ANKRD28: variants seen among roughly 807,000 people sequenced by gnomAD.
The protein encoded by ANKRD28 is serine/threonine-protein phosphatase 6 regulatory ankyrin repeat subunit A.
A neutral mutation model predicts 126.5 loss-of-function variants in ANKRD28; 44 were observed. That is an observed-to-expected ratio of 0.35 (90% CI 0.27 to 0.45). The LOEUF is 0.45. Ranked by LOEUF, ANKRD28 falls within the 20% of genes least tolerant of loss-of-function variation. The probability of loss-of-function intolerance (pLI) is 1.00; values close to 1 mark genes in which losing one functional copy is unlikely to be tolerated. For synonymous variants in ANKRD28, 442 were observed against 468.5 expected (o/e 0.94, Z 0.73); for missense variants, 1,110 against 1,316.6 (o/e 0.84, Z 2.43).
At chr3:15,684,096 T>C (rs531285481) in intron 21 of ANKRD28, 1 of 152,288 alleles carries the variant, frequency 6.6e-6, no homozygotes, top group African/African-American at 2.4e-5. Context: ...AACCTCTAAT[T>C]TCTCTACTAA....
intron 3 of ANKRD28, among the ~76,000 whole-genome samples, chr3:15,761,101 T>A (rs1452125657): frequency 6.6e-6 from 1 of 152,214 alleles, no homozygotes; most frequent in Non-Finnish European, 1.5e-5. Context: ...TTGCTATGGA[T>A]ATCGCAGTAG....
At chr3:15,682,092 G>T (rs943797173) in intron 21 of ANKRD28, among the ~76,000 whole-genome samples, 5 of 151,966 alleles carry the variant, frequency 3.3e-5, no homozygotes, top group Non-Finnish European at 5.9e-5. Context: ...AAAAAAATAT[G>T]AATAAAAACA....
intron 2 of ANKRD28, among the ~76,000 whole-genome samples, chr3:15,780,495 C>G (rs1246790605): frequency 6.6e-6 from 1 of 151,902 alleles, no homozygotes; most frequent in Non-Finnish European, 1.5e-5. Context: ...CCATATTATC[C>G]AAAGCAATCC....
chr3:15,736,884 G>T, intron 5 of ANKRD28, 149 bp downstream of exon 5: 1 of 772,546 alleles, frequency 1.3e-6, no homozygotes, highest in East Asian at 2.6e-5. Context: ...TTCTAAATTT[G>T]AGAAAGTTAT....
chr3:15,805,222 C>T (rs573420049), intron 1 of ANKRD28, among the ~76,000 whole-genome samples: 9 of 115,634 alleles, frequency 7.8e-5, no homozygotes, highest in African/African-American at 3.2e-4. Flanking sequence ...TTCTAGAATA[C>T]ACCTAATATG....
rs1015213296 is a variant in ANKRD28 at position 15,838,694 on chromosome 3, G to A, written c.27+20683C>T. On this transcript the variant is annotated intron_variant, in intron 1 of 27. Coordinates refer to the ANKRD28 transcript ENST00000399451. The surrounding 1 kb of genome is among the most constrained non-coding windows in gnomAD (Gnocchi z 4.0). Reference sequence around the variant, plus strand: ...ACCCAGGAGGTAGAGGTTGCAGTGAGCCGGGACCACGCCACTGCACTCCAG... The same window carrying A: ...ACCCAGGAGGTAGAGGTTGCAGTGAACCGGGACCACGCCACTGCACTCCAG... 6.6e-6 allele frequency among the ~76,000 whole-genome samples: 1 copy of A among 151,574 alleles called. No individual in the cohort carries two copies. Among genetic ancestry groups the A allele is most frequent in the African/African-American group, 2.4e-5 (1 of 41,240 alleles).
chr3:15,830,230 T>C lies in ANKRD28; in HGVS notation c.27+29147A>G, dbSNP rs1159340389. On this transcript the variant is annotated intron_variant, in intron 1 of 27. Coordinates refer to the ANKRD28 transcript ENST00000399451. The surrounding 1 kb of genome is among the most constrained non-coding windows in gnomAD (Gnocchi z 4.5). ...CGAAGTAAAAAACGCATATAACATT[T>C]TATTATTATGATAACAGTTTTGACT... 6.6e-6 allele frequency among the ~76,000 whole-genome samples: 1 copy of C among 152,192 alleles called. No homozygotes were observed. Among genetic ancestry groups the C allele is most frequent in the Non-Finnish European group, 1.5e-5 (1 of 68,036 alleles).
At chr3:15,695,582 C>T (rs2069418305) in intron 15 of ANKRD28, among the ~76,000 whole-genome samples, 1 of 152,110 alleles carries the variant, frequency 6.6e-6, no homozygotes, top group Admixed American at 6.6e-5. Flanking sequence ...ATAAGAGCAT[C>T]TTTAACCTAA....
At position 15,815,867 on chromosome 3, in the gene ANKRD28, TA is replaced by T. The variant is rs1232701017; in HGVS notation, c.28-20562del. Among the ~76,000 whole-genome samples the T allele has an allele frequency of 1.3e-5, 2 of 152,138 alleles. No individual in the cohort carries two copies. The highest frequency in any genetic ancestry group is 2.9e-5 in the Non-Finnish European group (2 of 68,022). On this transcript the variant is annotated intron_variant, in intron 1 of 27. Transcript: ENST00000399451. The surrounding 1 kb of genome is among the most constrained non-coding windows in gnomAD (Gnocchi z 4.1). ...GTTCTACAGCATGTAACAGATATGG[TA>T]ATAGAATTAGTCTGCCATATGGTGG...
At chr3:15,720,652 A>G (rs892305563) in intron 8 of ANKRD28, among the ~76,000 whole-genome samples, 14 of 152,236 alleles carry the variant, frequency 9.2e-5, no homozygotes, top group Middle Eastern at 6.8e-3. Flanking sequence ...CCCTCCTCAC[A>G]ATGGCAATAA....
At chr3:15,841,298 G>C (rs995070741) in intron 1 of ANKRD28, among the ~76,000 whole-genome samples, 2 of 152,170 alleles carry the variant, frequency 1.3e-5, no homozygotes, top group Admixed American at 1.3e-4. Flanking sequence ...AGATTTCTTG[G>C]CTAATACTCC....
At chr3:15,700,751 C>A (rs183433587) in intron 14 of ANKRD28, among the ~76,000 whole-genome samples, 29 of 151,920 alleles carry the variant, frequency 1.9e-4, no homozygotes, top group Non-Finnish European at 3.7e-4. Context: ...TCCAGCCTGG[C>A]GACAGAGTGA....
chr3:15,789,263 T>C (rs2059916953), intron 2 of ANKRD28, among the ~76,000 whole-genome samples: 1 of 152,088 alleles, frequency 6.6e-6, no homozygotes, highest in Non-Finnish European at 1.5e-5. Context: ...TAAAGTCCAC[T>C]GAAGCCCTAT....
chr3:15,685,923 A>G (rs2068066825), intron 20 of ANKRD28, 79 bp downstream of exon 20: 5 of 1,086,444 alleles, frequency 4.6e-6, no homozygotes, highest in Non-Finnish European at 6.6e-6. Context: ...TGAAGAAAAA[A>G]TAAACATAAC....
intron 6 of ANKRD28, among the ~76,000 whole-genome samples, chr3:15,725,143 TA>T (rs541714348): frequency 2.5e-3 from 373 of 152,140 alleles, no homozygotes; most frequent in African/African-American, 8.4e-3. Context: ...TAAAAACAGT[TA>T]AAAAAATTAA....
chr3:15,855,533 A>C (rs1028302115), intron 1 of ANKRD28, among the ~76,000 whole-genome samples: 1 of 152,248 alleles, frequency 6.6e-6, no homozygotes, highest in Non-Finnish European at 1.5e-5. Flanking sequence ...CAGATTACAC[A>C]TATGCATACC....
intron 4 of ANKRD28, among the ~76,000 whole-genome samples, chr3:15,743,268 T>C (rs1264113514): frequency 2.0e-5 from 3 of 152,088 alleles, no homozygotes; most frequent in Non-Finnish European, 2.9e-5. Context: ...CTTTGTTCAC[T>C]TGTTTATCTG....
In ANKRD28 at chr3:15,713,500, G is replaced by C. The variant is rs752716647; in HGVS notation, c.1190+27C>G. 3.8e-6 allele frequency: 6 copies of C among 1,575,532 alleles called. No homozygotes were observed. In the Admixed American group the frequency reaches 7.0e-5, roughly 18 times the overall value. ...CTTCCCTTTGTGCTTGCCTGTATCA[G>C]TTATCAACACCTCGGTAAGTACTTA... On this transcript the variant is annotated intron_variant, in intron 10 of 27. Transcript: ENST00000683139.
intron 13 of ANKRD28, 99 bp from the exon 14 acceptor site, chr3:15,708,163 T>C (rs2071721315): frequency 2.2e-6 from 3 of 1,341,682 alleles, no homozygotes; most frequent in Non-Finnish European, 2.0e-6. Flanking sequence ...ACAAATACTT[T>C]ATTTACAGTG....
Sources: gnomAD v4.1 joint callset for allele counts (sites outside exome capture counted in the v4.1 genomes callset) on GRCh38, gnomAD v4.1.1 for gene constraint, Gnocchi (gnomAD v3.1) non-coding constraint, MANE v1.5 for transcripts, NCBI Gene and HGNC (gene_info 2026-07-23, HGNC 2026-07-21) for gene names.